The following CCSER2 variants were observed in gnomAD, a reference collection of about 807,000 sequenced individuals.
The protein encoded by CCSER2 is coiled-coil serine rich protein 2.
A neutral mutation model predicts 92.3 loss-of-function variants in CCSER2; 46 were observed. That is an observed-to-expected ratio of 0.50 (90% CI 0.39 to 0.64). The LOEUF (loss-of-function observed/expected upper bound fraction) is 0.64, where lower values mean the gene tolerates loss of function less well. Among genes scored for constraint, CCSER2 ranks in the 30% least tolerant of loss-of-function variants. CCSER2 has a pLI of 0.00. For synonymous variants in CCSER2, 433 were observed against 431.4 expected, an observed-to-expected ratio of 1.00 and a Z score of -0.04; for missense variants, 1,244 against 1,238.9, an observed-to-expected ratio of 1.00 and a Z score of -0.06.
At chr10:84,480,312 C>A (rs1453331848) in intron 9 of CCSER2, among the ~76,000 whole-genome samples, 1 of 152,130 alleles carries the variant, frequency 6.6e-6, no homozygotes, top group Non-Finnish European at 1.5e-5. Flanking sequence ...CATGAGCCAC[C>A]ATGCCTGACC....
chr10:84,423,956 G>C (rs1319483393), intron 4 of CCSER2, among the ~76,000 whole-genome samples: 2 of 146,108 alleles, frequency 1.4e-5, no homozygotes, highest in African/African-American at 2.6e-5. Flanking sequence ...AGACCAGCCT[G>C]GCCAGCATAG....
chr10:84,442,476 T>C (rs1370510775), intron 6 of CCSER2, among the ~76,000 whole-genome samples: 3 of 152,254 alleles, frequency 2.0e-5, no homozygotes, highest in African/African-American at 7.2e-5. Flanking sequence ...TATGATCATT[T>C]ATCTATCTAT....
chr10:84,348,234 C>G (rs1411155121), intron 1 of CCSER2, among the ~76,000 whole-genome samples: 1 of 152,232 alleles, frequency 6.6e-6, no homozygotes, highest in Non-Finnish European at 1.5e-5. Flanking sequence ...GCGGATCACT[C>G]GCGGTTAGGA....
chr10:84,424,145 C>A (rs923351762), intron 4 of CCSER2, among the ~76,000 whole-genome samples: 2 of 152,100 alleles, frequency 1.3e-5, no homozygotes, highest in East Asian at 3.9e-4. Context: ...GATTGAGAAC[C>A]TGTCTCAAAC....
intron 7 of CCSER2, among the ~76,000 whole-genome samples, chr10:84,465,239 TTGTGTGTGTG>T (rs59254139): frequency 0.061 from 6,556 of 106,740 alleles, 403 homozygotes; most frequent in South Asian, 0.087. Flanking sequence ...TTTCCTGAAT[TTGTGTGTGTG>T]TGTGTGTGTG....
In CCSER2 at chr10:84,514,024, A is replaced by G. The variant is rs758314559; in HGVS notation, c.2901A>G (p.Gln967=). The G allele has an allele frequency of 2.9e-5, 44 of 1,536,574 alleles. No homozygotes were observed. The highest frequency in any genetic ancestry group is 3.7e-5 in the Non-Finnish European group (42 of 1,147,048). ...CAAAACTTCAGCCAACATCTAGTCA[A>G]ACAAATCTTGCAAATAATCAGAATC... The part of the protein sequence containing the change: ...NSAKLQPTSS[Q]TNLANNQNLK... Residue 967 remains glutamine (Q), a synonymous_variant, in exon 10 of 10, where the codon CAA becomes CAG. Coordinates refer to ENST00000372088, the MANE Select transcript of CCSER2 (RefSeq NM_001284240.2).
chr10:84,423,168 C>A (rs1194108825), intron 4 of CCSER2, among the ~76,000 whole-genome samples: 3 of 152,080 alleles, frequency 2.0e-5, no homozygotes, highest in African/African-American at 7.2e-5. Context: ...AACCTTTAAT[C>A]TTTTCTAAGA....
At chr10:84,332,410 T>A (rs1213210771) in intron 1 of CCSER2, among the ~76,000 whole-genome samples, 9 of 109,850 alleles carry the variant, frequency 8.2e-5, no homozygotes, top group East Asian at 2.4e-4. Context: ...AAATTTATTT[T>A]TTTATATATA....
chr10:84,438,687 C>A lies in CCSER2; in HGVS notation c.2044C>A (p.Leu682Met). 6.2e-7 allele frequency: 1 copy of A among 1,607,024 alleles called. No individual in the cohort carries two copies. The highest frequency in any genetic ancestry group is 1.1e-5 in the South Asian group (1 of 89,914). The change falls in exon 6 of 10, where the codon CTG becomes ATG. Residue 682 changes from leucine (L) to methionine (M), a missense_variant. By Grantham distance (15) the Leu-to-Met change is conservative. Transcript: ENST00000372088. ...TGCTGTAAAAACTCAGTTACTCAAA[C>A]TGAAACGTCTCCTGCATCAGGTGAG... ...CTAVKTQLLK[L>M]KRLLHQHDGS...
At chr10:84,419,010 T>C (rs1843008142) in intron 4 of CCSER2, among the ~76,000 whole-genome samples, 1 of 145,026 alleles carries the variant, frequency 6.9e-6, no homozygotes, top group Non-Finnish European at 1.5e-5. Context: ...AGCTAAGAAC[T>C]AGCACATTTT....
In CCSER2 at chr10:84,347,357, G is replaced by A. The variant is rs193162369; in HGVS notation, c.-40+18549G>A. Among the ~76,000 whole-genome samples, 955 of 151,768 alleles carry A rather than the reference G, an allele frequency of 6.3e-3. 6 individuals carry two copies. Among genetic ancestry groups the A allele is most frequent in the African/African-American group, 0.022 (910 of 41,412 alleles). On this transcript the variant is annotated intron_variant, in intron 1 of 9. Coordinates refer to ENST00000372088, the MANE Select transcript of CCSER2 (RefSeq NM_001284240.2). ...CTCACTTCCCAGAAGGGGCGGCCGG[G>A]CAGAGGTGCCCCCCCACCTCCCGGA...
chr10:84,511,260 C>G (rs937685825), intron 9 of CCSER2, among the ~76,000 whole-genome samples: 10 of 152,132 alleles, frequency 6.6e-5, no homozygotes, highest in African/African-American at 2.4e-4. Flanking sequence ...GTCTTTCTGA[C>G]TCTGCTGTAT....
chr10:84,343,463 T>G (rs970912168), intron 1 of CCSER2, among the ~76,000 whole-genome samples: 1 of 152,198 alleles, frequency 6.6e-6, no homozygotes, highest in Non-Finnish European at 1.5e-5. Context: ...GTCCTGGGTA[T>G]TATACAAAAC....
intron 9 of CCSER2, among the ~76,000 whole-genome samples, chr10:84,503,560 A>C (rs1848883750): frequency 1.3e-5 from 2 of 152,206 alleles, no homozygotes; most frequent in South Asian, 4.1e-4. Context: ...TGTTTTTGGC[A>C]AATAGAAAGC....
At chr10:84,380,082 A>C (rs142097015) in intron 3 of CCSER2, among the ~76,000 whole-genome samples, 1 of 152,304 alleles carries the variant, frequency 6.6e-6, no homozygotes, top group East Asian at 1.9e-4. Flanking sequence ...ACTTCTCCCT[A>C]AAATGGTCCT....
chr10:84,438,721 G>C lies in CCSER2; in HGVS notation c.2064+14G>C. 1 of 1,498,406 alleles carries C rather than the reference G, an allele frequency of 6.7e-7. No individual in the cohort carries two copies. The highest frequency in any genetic ancestry group is 9.0e-7 in the Non-Finnish European group (1 of 1,109,458). The allele number at this position is 1,498,406 out of a possible 1,614,324, so 92.8% of individuals were successfully genotyped here. ...CTCCTGCATCAGGTGAGTACATAAT[G>C]AACATTTCCAGCTCTGATATTTTGA... is the stretch of plus-strand genomic sequence containing the variant. On this transcript the variant is annotated intron_variant, in intron 6 of 9. Coordinates refer to ENST00000372088, the MANE Select transcript of CCSER2 (RefSeq NM_001284240.2).
intron 1 of CCSER2, among the ~76,000 whole-genome samples, chr10:84,367,153 A>G (rs1341715708): frequency 1.3e-5 from 2 of 152,018 alleles, no homozygotes; most frequent in African/African-American, 4.8e-5. Context: ...GTATTTCATT[A>G]ACTTAAATAG....
chr10:84,435,674 T>A lies in CCSER2; in HGVS notation c.1869-2838T>A, dbSNP rs371063996. Among the ~76,000 whole-genome samples the A allele has an allele frequency of 2.1e-3, 203 of 98,014 alleles. 2 individuals carry two copies. The highest frequency in any genetic ancestry group is 0.015 in the African/African-American group (178 of 11,696). 64.3% of individuals were successfully genotyped at this position (98,014 alleles called of 152,430 possible). On this transcript the variant is annotated intron_variant, in intron 5 of 9. Transcript: ENST00000372088. ...AAAAAAAACAAGAACAACAAAAAAATAAATAACCAAAAAAACCAAAAACTC... is the reference window on the plus strand; with the variant it reads ...AAAAAAAACAAGAACAACAAAAAAAAAAATAACCAAAAAAACCAAAAACTC...
At chr10:84,330,758 G>A (rs1420695865) in intron 1 of CCSER2, among the ~76,000 whole-genome samples, 1 of 151,880 alleles carries the variant, frequency 6.6e-6, no homozygotes, top group Non-Finnish European at 1.5e-5. Flanking sequence ...CGCCCACCTC[G>A]GCCTCCCAAA....
Sources: gnomAD v4.1 joint callset for allele counts (sites outside exome capture counted in the v4.1 genomes callset) on GRCh38, gnomAD v4.1.1 for gene constraint, MANE v1.5 for transcripts, NCBI Gene and HGNC (gene_info 2026-07-23, HGNC 2026-07-21) for gene names.